The following CDH4 variants were observed in gnomAD, a reference collection of about 807,000 sequenced individuals.
The protein encoded by CDH4 is cadherin 4.
Under a neutral mutation model 86.0 loss-of-function variants are expected in CDH4, and 33 were observed. The ratio of observed to expected loss-of-function variants is 0.38; its 90% confidence interval spans 0.29 to 0.51. CDH4 has a LOEUF of 0.51. Among genes scored for constraint, CDH4 ranks in the 20% least tolerant of loss-of-function variants. CDH4 has a pLI of 0.86. For synonymous variants in CDH4, 555 were observed against 549.4 expected, an observed-to-expected ratio of 1.01 and a Z score of -0.14; for missense variants, 1,114 against 1,307.4, an observed-to-expected ratio of 0.85 and a Z score of 2.28.
chr20:61,887,388 G>GCA (rs145026017), intron 7 of CDH4, among the ~76,000 whole-genome samples: 12,483 of 151,760 alleles, frequency 0.082, 601 homozygotes, highest in Middle Eastern at 0.11. Flanking sequence ...GCAGTCAGCT[G>GCA]CACACACACA....
At chr20:61,834,791 C>A (rs1044329043) in intron 4 of CDH4, among the ~76,000 whole-genome samples, 3 of 152,242 alleles carry the variant, frequency 2.0e-5, no homozygotes, top group African/African-American at 7.2e-5. Context: ...GTGTGGCTCT[C>A]TGATAGGCAG....
In CDH4 at chr20:61,728,573, G is replaced by A. The variant is rs1042757020; in HGVS notation, c.170-14990G>A. Reference sequence around the variant, plus strand: ...CCCCAGCGGTGGAACCTCGGGATACGGGGCAGGATACCTGTACCTCAGTTT... The same window carrying A: ...CCCCAGCGGTGGAACCTCGGGATACAGGGCAGGATACCTGTACCTCAGTTT... On this transcript the variant is annotated intron_variant, in intron 2 of 15. Transcript: ENST00000614565. 2.0e-4 allele frequency among the ~76,000 whole-genome samples: 31 copies of A among 152,222 alleles called. 1 individual carries two copies. Among genetic ancestry groups the A allele is most frequent in the Non-Finnish European group, 2.4e-4 (16 of 68,018 alleles).
At chr20:61,636,695 C>A (rs941297154) in intron 2 of CDH4, among the ~76,000 whole-genome samples, 1 of 152,200 alleles carries the variant, frequency 6.6e-6, no homozygotes, top group Non-Finnish European at 1.5e-5. Context: ...CTTCTCCCAG[C>A]GCCTGGAGGC....
chr20:61,906,458 T>G (rs986648387), intron 8 of CDH4, among the ~76,000 whole-genome samples: 2 of 152,228 alleles, frequency 1.3e-5, no homozygotes, highest in Non-Finnish European at 2.9e-5. Flanking sequence ...ATGGTCCTGC[T>G]CAACCCTCCC....
chr20:61,763,290 A>T (rs1600961126), intron 3 of CDH4, among the ~76,000 whole-genome samples: 1 of 92,614 alleles, frequency 1.1e-5, no homozygotes, highest in Non-Finnish European at 2.4e-5. Flanking sequence ...GGAGCATCAG[A>T]TGGCCCCCCA....
intron 2 of CDH4, among the ~76,000 whole-genome samples, chr20:61,395,223 G>A (rs1194264525): frequency 6.6e-6 from 1 of 151,872 alleles, no homozygotes; most frequent in East Asian, 1.9e-4. Flanking sequence ...AAATATTTTA[G>A]TCTTGTAACT....
intron 2 of CDH4, among the ~76,000 whole-genome samples, chr20:61,667,264 C>G (rs565553879): frequency 6.6e-6 from 1 of 152,200 alleles, no homozygotes; most frequent in African/African-American, 2.4e-5. Flanking sequence ...AACAGTCGGC[C>G]GGGATGGCCC....
chr20:61,839,916 TG>T (rs1982082456), intron 4 of CDH4, among the ~76,000 whole-genome samples: 3 of 151,746 alleles, frequency 2.0e-5, no homozygotes, highest in African/African-American at 7.3e-5. Context: ...TGTGTGTGTG[TG>T]TCATGTGTAC....
intron 2 of CDH4, among the ~76,000 whole-genome samples, chr20:61,729,950 G>A (rs2088159033): frequency 6.6e-6 from 1 of 152,166 alleles, no homozygotes; most frequent in African/African-American, 2.4e-5. Context: ...GTTTTCTTTG[G>A]AGAAGGTACA....
chr20:61,436,222 G>C (rs950004614), intron 2 of CDH4, among the ~76,000 whole-genome samples: 2 of 152,094 alleles, frequency 1.3e-5, no homozygotes, highest in Non-Finnish European at 2.9e-5. Flanking sequence ...GATCACTCTT[G>C]CACCTTCGCC....
In CDH4 at chr20:61,681,473, T is replaced by C. The variant is rs1015349948; in HGVS notation, c.170-62090T>C. Among the ~76,000 whole-genome samples, 1 of 152,188 alleles carries C rather than the reference T, an allele frequency of 6.6e-6. No homozygotes were observed. The highest frequency in any genetic ancestry group is 1.5e-5 in the Non-Finnish European group (1 of 68,032). The stretch of plus-strand genomic sequence containing the variant: ...AAGGGATCTGTTGGCTTCTGAGCTC[T>C]TGTTCTGAGGGGTGGGAGAATTAGA... On this transcript the variant is annotated intron_variant, in intron 2 of 15. Coordinates refer to ENST00000614565, the MANE Select transcript of CDH4 (RefSeq NM_001794.5). This position sits in a 1 kb window ranked among gnomAD's most constrained non-coding sequence, Gnocchi z 4.5.
At position 61,864,062 on chromosome 20, in the gene CDH4, G is replaced by C. The variant is rs944332199; in HGVS notation, c.878-9666G>C. Among the ~76,000 whole-genome samples the C allele has an allele frequency of 2.0e-5, 3 of 152,372 alleles. No homozygotes were observed. In the East Asian group the frequency reaches 5.8e-4, roughly 29 times the overall value. Reference sequence around the variant, plus strand: ...TGTTAAGATGAGGCCAGTAGGGTGGGCCCTGAATCCAATGACTGTTTTCCT... The same window carrying C: ...TGTTAAGATGAGGCCAGTAGGGTGGCCCCTGAATCCAATGACTGTTTTCCT... On this transcript the variant is annotated intron_variant, in intron 6 of 15. Transcript: ENST00000614565.
chr20:61,568,958 T>TCGA (rs1568690775), intron 2 of CDH4, among the ~76,000 whole-genome samples: 1 of 151,966 alleles, frequency 6.6e-6, no homozygotes, highest in Non-Finnish European at 1.5e-5. Flanking sequence ...CAGTAGGTCC[T>TCGA]CGCTCAAGAC....
intron 2 of CDH4, among the ~76,000 whole-genome samples, chr20:61,567,644 G>T (rs1217675457): frequency 1.3e-5 from 2 of 152,222 alleles, no homozygotes; most frequent in Non-Finnish European, 2.9e-5. Flanking sequence ...ACCATGCCGG[G>T]TCCTCCCCTG....
At chr20:61,383,385 A>G (rs2084920804) in intron 2 of CDH4, among the ~76,000 whole-genome samples, 1 of 92,514 alleles carries the variant, frequency 1.1e-5, no homozygotes, top group Non-Finnish European at 2.0e-5. Flanking sequence ...ATGGATATAT[A>G]TGAATATATG....
At chr20:61,421,721 G>A (rs191711790) in intron 2 of CDH4, among the ~76,000 whole-genome samples, 14 of 152,316 alleles carry the variant, frequency 9.2e-5, no homozygotes, top group Admixed American at 2.6e-4. Context: ...TCCCCCTGCC[G>A]GGGTTCTGGT....
rs549763001 is a variant in CDH4, at chr20:61,549,786, G to A, written c.170-193777G>A. On this transcript the variant is annotated intron_variant, in intron 2 of 15. Transcript: ENST00000614565. ...GTTCTCAGAGTCCAGATACATGAGC[G>A]CTTAGCGCATGGGAAACATTCCCCA... is the stretch of plus-strand genomic sequence containing the variant. Among the ~76,000 whole-genome samples, 65 of 152,360 alleles carry A rather than the reference G, an allele frequency of 4.3e-4. No homozygotes were observed. The South Asian group carries it at 0.01, about 24-fold the overall frequency.
chr20:61,314,639 A>G (rs941484146), intron 2 of CDH4, among the ~76,000 whole-genome samples: 53 of 152,174 alleles, frequency 3.5e-4, no homozygotes, highest in Non-Finnish European at 6.3e-4. Flanking sequence ...AGATGCCCAG[A>G]GGTGGGACCA....
At chr20:61,786,173 G>A (rs562669528) in intron 4 of CDH4, among the ~76,000 whole-genome samples, 28 of 152,244 alleles carry the variant, frequency 1.8e-4, no homozygotes, top group African/African-American at 6.3e-4. Flanking sequence ...TTCAAACAGC[G>A]TCTCCTTCCG....
Sources: allele counts gnomAD v4.1 joint callset (sites outside exome capture counted in the v4.1 genomes callset), GRCh38; gene constraint gnomAD v4.1.1; non-coding constraint Gnocchi (gnomAD v3.1); transcripts MANE v1.5; gene names NCBI Gene and HGNC (gene_info 2026-07-23, HGNC 2026-07-21).